PPP1R36: variants seen among roughly 807,000 people sequenced by gnomAD.
PPP1R36 encodes the protein chromosome 14 open reading frame 50.
PPP1R36 carries 47 observed loss-of-function variants against 53.4 expected under a neutral mutation model. The ratio of observed to expected loss-of-function variants is 0.88; its 90% CI spans 0.70 to 1.12. PPP1R36 has a LOEUF of 1.12. PPP1R36 is among the 50% of genes most tolerant of loss of function. The pLI is 0.00. For synonymous variants in PPP1R36, 153 were observed against 170.5 expected (o/e 0.90, Z 0.80); for missense variants, 456 against 513.9 (o/e 0.89, Z 1.09).
chr14:64,550,714 A>G (rs1188539377), intron 1 of PPP1R36, among the ~76,000 whole-genome samples: 3 of 152,144 alleles, frequency 2.0e-5, no homozygotes, highest in African/African-American at 7.2e-5. Context: ...AAAGCGATAA[A>G]ATCCTAGCTT....
chr14:64,579,070 A>G (rs915293852), intron 8 of PPP1R36, among the ~76,000 whole-genome samples: 3 of 152,238 alleles, frequency 2.0e-5, no homozygotes, highest in African/African-American at 4.8e-5. Flanking sequence ...ATAAGAACTT[A>G]TGAACACAAA....
Position 64,588,084 on chromosome 14 carries a change from G to C in PPP1R36, c.891-20G>C. The C allele has an allele frequency of 3.2e-6, 5 of 1,579,990 alleles. No individual in the cohort carries two copies. The highest frequency in any genetic ancestry group is 4.3e-6 in the Non-Finnish European group (5 of 1,161,412). On this transcript the variant is annotated intron_variant, in intron 10 of 11. Transcript: ENST00000298705. ...GAAAACAGGGTGATATGACCTAAAT[G>C]TCACCTTCCTCCCCGACAGGAGAAT...
chr14:64,562,092 G>GATAGT (rs2080209892), intron 3 of PPP1R36: 1 of 247,566 alleles, frequency 4.0e-6, no homozygotes, highest in Non-Finnish European at 8.1e-6. Context: ...TACTCTGGGA[G>GATAGT]ATAGTAGGAG....
At chr14:64,566,934 C>A (rs2080262893) in intron 6 of PPP1R36, among the ~76,000 whole-genome samples, 2 of 152,218 alleles carry the variant, frequency 1.3e-5, no homozygotes, top group African/African-American at 4.8e-5. Flanking sequence ...CACTGCAGGA[C>A]TGAACTCCAC....
At chr14:64,585,552 GGT>G (rs2080426198) in intron 8 of PPP1R36, among the ~76,000 whole-genome samples, 2 of 151,554 alleles carry the variant, frequency 1.3e-5, no homozygotes, top group South Asian at 4.2e-4. Context: ...TAGCCAGTGT[GGT>G]GGTGTATACT....
intron 1 of PPP1R36, chr14:64,550,299 T>A (rs2080084194): frequency 7.5e-7 from 1 of 1,334,552 alleles, no homozygotes; most frequent in Admixed American, 3.4e-5. Flanking sequence ...AGTTAGATAT[T>A]TACGAAATCC....
intron 6 of PPP1R36, among the ~76,000 whole-genome samples, chr14:64,566,339 C>T (rs554205267): frequency 1.3e-4 from 20 of 149,216 alleles, no homozygotes; most frequent in Admixed American, 6.0e-4. Flanking sequence ...GATACTTTGG[C>T]GGCTGAGGCA....
At chr14:64,587,448 C>CCTT (rs2080444003) in intron 10 of PPP1R36, 76 bp downstream of exon 10, 1 of 104,682 alleles carries the variant, frequency 9.6e-6, no homozygotes, top group African/African-American at 7.1e-5. Flanking sequence ...CTTTTTTCTC[C>CCTT]TTTTTTTTTT....
chr14:64,562,696 T>C (rs531497637), intron 3 of PPP1R36, among the ~76,000 whole-genome samples: 7 of 152,210 alleles, frequency 4.6e-5, no homozygotes, highest in East Asian at 1.9e-4. Flanking sequence ...TGCCAGACTA[T>C]TGGCTAAGGG....
At chr14:64,576,514 T>C (rs2080343052) in intron 8 of PPP1R36, among the ~76,000 whole-genome samples, 1 of 152,224 alleles carries the variant, frequency 6.6e-6, no homozygotes, top group African/African-American at 2.4e-5. Context: ...AAAACAGATA[T>C]ACATATGAAG....
At chr14:64,574,813 C>T (rs1381103638) in intron 8 of PPP1R36, among the ~76,000 whole-genome samples, 1 of 152,228 alleles carries the variant, frequency 6.6e-6, no homozygotes, top group East Asian at 1.9e-4. Context: ...ATTTTTAAAA[C>T]TTTCCACTGC....
chr14:64,566,638 T>C (rs1210120258), intron 6 of PPP1R36, among the ~76,000 whole-genome samples: 1 of 152,188 alleles, frequency 6.6e-6, no homozygotes, highest in Non-Finnish European at 1.5e-5. Flanking sequence ...TGCGTGGCTG[T>C]GCCTCACGTG....
At chr14:64,575,834 T>G (rs955380663) in intron 8 of PPP1R36, among the ~76,000 whole-genome samples, 1 of 151,930 alleles carries the variant, frequency 6.6e-6, no homozygotes, top group African/African-American at 2.4e-5. Context: ...GTATTTTTAG[T>G]AGAGACAGGG....
intron 3 of PPP1R36, 113 bp downstream of exon 3, chr14:64,552,974 A>ATT: frequency 1.0e-6 from 1 of 977,818 alleles, no homozygotes; most frequent in Non-Finnish European, 1.5e-6. Context: ...ATTAAGTGCC[A>ATT]ATTTTTTTTT....
chr14:64,579,412 A>G (rs1566657411), intron 8 of PPP1R36, among the ~76,000 whole-genome samples: 2 of 152,352 alleles, frequency 1.3e-5, no homozygotes, highest in East Asian at 3.9e-4. Flanking sequence ...AGCATCAAAA[A>G]TACCTTCCTG....
chr14:64,581,258 A>T (rs1006701312), intron 8 of PPP1R36, among the ~76,000 whole-genome samples: 2 of 152,172 alleles, frequency 1.3e-5, no homozygotes, highest in African/African-American at 2.4e-5. Flanking sequence ...TTTGTTTTAA[A>T]AACTTGGGGT....
chr14:64,560,442 A>G (rs1347201903), intron 3 of PPP1R36, among the ~76,000 whole-genome samples: 2 of 40,784 alleles, frequency 4.9e-5, no homozygotes, highest in African/African-American at 6.3e-5. Context: ...CTATCTCAAG[A>G]AAAAAAAAAA....
chr14:64,580,666 C>G (rs895364654), intron 8 of PPP1R36, among the ~76,000 whole-genome samples: 3 of 152,114 alleles, frequency 2.0e-5, no homozygotes, highest in Non-Finnish European at 4.4e-5. Context: ...TCACCACCCA[C>G]GTAACAAATT....
At chr14:64,551,762 C>A in intron 2 of PPP1R36, 1 of 432,480 alleles carries the variant, frequency 2.3e-6, no homozygotes. Context: ...CGCTGTCTCC[C>A]TCAACTAGAC....
Sources: gnomAD v4.1 joint callset for allele counts (sites outside exome capture counted in the v4.1 genomes callset) on GRCh38, gnomAD v4.1.1 for gene constraint, MANE v1.5 for transcripts, NCBI Gene and HGNC (gene_info 2026-07-23, HGNC 2026-07-21) for gene names.